The following NLGN4X variants were observed in gnomAD, a reference collection of about 807,000 sequenced individuals.
NLGN4X encodes neuroligin 4 X-linked.
NLGN4X carries 3 observed loss-of-function variants against 40.3 expected under a neutral mutation model. That is an observed-to-expected ratio of 0.07 (90% confidence interval 0.03 to 0.19). The LOEUF (loss-of-function observed/expected upper bound fraction) is 0.19, where lower values mean the gene tolerates loss of function less well. NLGN4X is among the 10% of genes least tolerant of loss of function. The probability of loss-of-function intolerance (pLI) is 1.00; values close to 1 mark genes in which losing one functional copy is unlikely to be tolerated. For missense variants in NLGN4X, 382 were observed against 708.3 expected (o/e 0.54, Z 5.23); for synonymous variants, 270 against 306.8 (o/e 0.88, Z 1.25).
At chrX:6,170,515 T>A (rs2040583221) in intron 1 of NLGN4X, among the ~76,000 whole-genome samples, 1 of 111,832 alleles carries the variant, frequency 8.9e-6, no homozygotes, top group Admixed American at 9.5e-5. Context: ...TACCATTCAA[T>A]CTTGGCCTTA....
At chrX:6,203,355 G>A (rs1162224472) in intron 1 of NLGN4X, among the ~76,000 whole-genome samples, 3 of 112,158 alleles carry the variant, frequency 2.7e-5, no homozygotes, top group Non-Finnish European at 5.6e-5. Context: ...AAGAGCTTCT[G>A]GTGATAGTCT....
At chrX:6,194,347 G>A (rs5916325) in intron 1 of NLGN4X, among the ~76,000 whole-genome samples, 9,846 of 111,077 alleles carry the variant, frequency 0.089, 325 homozygotes, top group South Asian at 0.16. Flanking sequence ...CATCTCACCC[G>A]GAATGCTCTC....
intron 3 of NLGN4X, among the ~76,000 whole-genome samples, chrX:5,968,457 C>CTCTCTCTCTCTGTGTG (rs1192942244): frequency 6.4e-5 from 3 of 47,018 alleles, no homozygotes; most frequent in African/African-American, 3.3e-4. Flanking sequence ...CTCTCTCTCT[C>CTCTCTCTCTCTGTGTG]TGTGTGTGTG....
At chrX:6,209,212 G>A (rs1684914625) in intron 1 of NLGN4X, among the ~76,000 whole-genome samples, 1 of 111,256 alleles carries the variant, frequency 9.0e-6, no homozygotes, top group Admixed American at 9.6e-5. Context: ...TGGAATAATA[G>A]ACCCTGGAGA....
chrX:6,092,393 G>T (rs748254155), intron 2 of NLGN4X, among the ~76,000 whole-genome samples: 24 of 112,136 alleles, frequency 2.1e-4, no homozygotes, highest in Non-Finnish European at 3.6e-4. Context: ...GCTGGGGCCA[G>T]AAACCCAAGC....
chrX:6,198,104 A>G (rs1923287729), intron 1 of NLGN4X, among the ~76,000 whole-genome samples: 1 of 110,914 alleles, frequency 9.0e-6, no homozygotes, highest in Non-Finnish European at 1.9e-5. Context: ...CATTCATATC[A>G]TTTTAAAGAA....
At chrX:6,089,133 CT>C (rs973434091) in intron 2 of NLGN4X, among the ~76,000 whole-genome samples, 2 of 111,632 alleles carry the variant, frequency 1.8e-5, no homozygotes, top group African/African-American at 6.5e-5. Flanking sequence ...TATCGTTAAA[CT>C]AAATTTCTAA....
intron 2 of NLGN4X, among the ~76,000 whole-genome samples, chrX:6,142,016 T>C (rs1457842783): frequency 9.0e-6 from 1 of 111,120 alleles, no homozygotes; most frequent in African/African-American, 3.3e-5. Context: ...AGTGGACTAG[T>C]TGTACCTAAA....
intron 2 of NLGN4X, among the ~76,000 whole-genome samples, chrX:6,092,650 A>G (rs967861843): frequency 1.8e-5 from 2 of 112,509 alleles, no homozygotes; most frequent in Non-Finnish European, 3.7e-5. Context: ...TTTAAAAAAT[A>G]AAGTTTGAAA....
chrX:6,048,304 C>T (rs747080971), intron 2 of NLGN4X, among the ~76,000 whole-genome samples: 24 of 111,329 alleles, frequency 2.2e-4, no homozygotes, highest in Non-Finnish European at 4.0e-4. Flanking sequence ...GTCCATCTAA[C>T]TTAGGCATAG....
chrX:6,017,477 T>C (rs1037582453), intron 3 of NLGN4X, among the ~76,000 whole-genome samples: 4 of 111,775 alleles, frequency 3.6e-5, no homozygotes, highest in African/African-American at 9.8e-5. Flanking sequence ...TCGCAATATA[T>C]TGAACACAGG....
chrX:6,024,656 C>T (rs183334183), intron 3 of NLGN4X, among the ~76,000 whole-genome samples: 1 of 111,222 alleles, frequency 9.0e-6, no homozygotes, highest in Admixed American at 9.5e-5. Context: ...ACTCATTATA[C>T]GCTAATTATA....
At chrX:6,201,947 G>A (rs1344039153) in intron 1 of NLGN4X, among the ~76,000 whole-genome samples, 2 of 111,470 alleles carry the variant, frequency 1.8e-5, no homozygotes, top group Non-Finnish European at 3.8e-5. Context: ...ACGGAAGGAA[G>A]AGGAGTGATT....
intron 3 of NLGN4X, among the ~76,000 whole-genome samples, chrX:5,982,177 A>C (rs1265019972): frequency 8.9e-6 from 1 of 112,159 alleles, no homozygotes; most frequent in Non-Finnish European, 1.9e-5. Flanking sequence ...AAACTTGCGA[A>C]TAAACAAGAG....
At chrX:6,134,412 T>G (rs12559738) in intron 2 of NLGN4X, among the ~76,000 whole-genome samples, 2 of 111,043 alleles carry the variant, frequency 1.8e-5, no homozygotes, top group Admixed American at 1.9e-4. Context: ...TTAGTGCATT[T>G]TCACCCTCTC....
intron 1 of NLGN4X, among the ~76,000 whole-genome samples, chrX:6,160,736 T>C (rs2040368167): frequency 9.2e-6 from 1 of 109,031 alleles, no homozygotes; most frequent in Admixed American, 1.0e-4. Flanking sequence ...TTGGCCAGGC[T>C]AGTCTTGAAC....
At chrX:5,926,350 T>G (rs899149688) in intron 3 of NLGN4X, among the ~76,000 whole-genome samples, 13 of 110,793 alleles carry the variant, frequency 1.2e-4, no homozygotes, top group African/African-American at 4.3e-4. Flanking sequence ...GAGGACAGAT[T>G]AATATACTTA....
chrX:6,155,908 G>A (rs192585668), intron 1 of NLGN4X, among the ~76,000 whole-genome samples: 194 of 112,153 alleles, frequency 1.7e-3, no homozygotes, highest in African/African-American at 5.9e-3. Flanking sequence ...ATGCTGTTGC[G>A]GCTGCAGAGA....
intron 2 of NLGN4X, among the ~76,000 whole-genome samples, chrX:6,129,889 T>TC (rs1238334595): frequency 9.2e-6 from 1 of 109,086 alleles, no homozygotes; most frequent in Non-Finnish European, 1.9e-5. Context: ...ATCTTTTTTT[T>TC]TTTTTTTTCT....
Sources: allele counts gnomAD v4.1 joint callset (sites outside exome capture counted in the v4.1 genomes callset), GRCh38; gene constraint gnomAD v4.1.1; transcripts MANE v1.5; gene names NCBI Gene and HGNC (gene_info 2026-07-23, HGNC 2026-07-21).